NFU1: variants seen among roughly 807,000 people sequenced by gnomAD.
The protein encoded by NFU1 is NFU1 iron-sulfur cluster scaffold, also known as NFU1 iron-sulfur cluster scaffold homolog, mitochondrial.
NFU1 carries 30 observed loss-of-function variants against 32.2 expected under a neutral mutation model. The ratio of observed to expected loss-of-function variants is 0.93; its 90% confidence interval spans 0.70 to 1.26. The LOEUF is 1.26. Ranked by LOEUF, NFU1 falls within the 50% of genes most tolerant of loss-of-function variation. The pLI, the probability that NFU1 is intolerant of heterozygous loss-of-function variation, is 0.00. For synonymous variants in NFU1, 112 were observed against 104.6 expected, an observed-to-expected ratio of 1.07 and a Z score of -0.43; for missense variants, 306 against 306.6, an observed-to-expected ratio of 1.00 and a Z score of 0.02.
chr2:69,407,687 A>G (rs1056383251), intron 5 of NFU1, among the ~76,000 whole-genome samples: 16 of 150,680 alleles, frequency 1.1e-4, no homozygotes, highest in East Asian at 9.8e-4. Flanking sequence ...AAAAAAAAAA[A>G]AAAAGAAAAG....
upstream of NFU1, chr2:69,437,560 G>C: frequency 9.5e-7 from 1 of 1,056,372 alleles, no homozygotes; most frequent in South Asian, 1.4e-5. Flanking sequence ...GATAAGTGCG[G>C]TGGCCTACGC....
intron 1 of NFU1, among the ~76,000 whole-genome samples, chr2:69,436,464 C>T (rs916387867): frequency 1.3e-5 from 2 of 152,136 alleles, no homozygotes; most frequent in Non-Finnish European, 2.9e-5. Flanking sequence ...AGGGAAAAGG[C>T]AGCAGAATGA....
chr2:69,439,243 CTG>C (rs148064669), upstream of NFU1, among the ~76,000 whole-genome samples: 243 of 152,304 alleles, frequency 1.6e-3, no homozygotes, highest in Middle Eastern at 0.02. Context: ...CCCACAGCCT[CTG>C]TGCTACTGTG....
intron 7 of NFU1, among the ~76,000 whole-genome samples, chr2:69,397,102 T>G (rs1672365612): frequency 6.6e-6 from 1 of 152,000 alleles, no homozygotes; most frequent in South Asian, 2.1e-4. Flanking sequence ...TAACTGGTAT[T>G]CTCTAGCCAT....
At chr2:69,420,903 A>G (rs1254873581) in intron 3 of NFU1, among the ~76,000 whole-genome samples, 2 of 152,160 alleles carry the variant, frequency 1.3e-5, no homozygotes, top group Non-Finnish European at 2.9e-5. Flanking sequence ...AATGTAAAAC[A>G]CTTTTTACTG....
At chr2:69,415,747 C>T (rs570982608) in intron 4 of NFU1, among the ~76,000 whole-genome samples, 25 of 152,196 alleles carry the variant, frequency 1.6e-4, no homozygotes, top group African/African-American at 5.5e-4. Context: ...AGGTCGAAGC[C>T]TGACCTCGTG....
In NFU1 at chr2:69,396,221, A is replaced by G; in HGVS notation, c.*25T>C. On this transcript the variant is annotated 3_prime_UTR_variant, in exon 8 of 8. Transcript: ENST00000410022. ...TATATTATCAACAAGTCTGACTGTT[A>G]TGCCCAAAGAAAATCCAGATTATTT... 1 of 1,592,338 alleles carries G rather than the reference A, an allele frequency of 6.3e-7. No individual in the cohort carries two copies. Among genetic ancestry groups the G allele is most frequent in the South Asian group, 1.1e-5 (1 of 90,424 alleles).
chr2:69,436,266 G>T (rs1459195874), intron 1 of NFU1, among the ~76,000 whole-genome samples: 1 of 152,110 alleles, frequency 6.6e-6, no homozygotes, highest in East Asian at 1.9e-4. Flanking sequence ...CCAGTGCCAG[G>T]CCATGCAGTA....
chr2:69,420,934 C>T (rs898825161), intron 3 of NFU1, among the ~76,000 whole-genome samples: 16 of 151,954 alleles, frequency 1.1e-4, no homozygotes, highest in Admixed American at 5.9e-4. Context: ...CAAAAAAGTA[C>T]GAAAAACAGC....
chr2:69,430,510 A>T (rs1188731116), intron 2 of NFU1, among the ~76,000 whole-genome samples: 1 of 152,020 alleles, frequency 6.6e-6, no homozygotes, highest in Non-Finnish European at 1.5e-5. Flanking sequence ...CCACCATGCC[A>T]GCCTATTTTT....
chr2:69,434,568 T>C (rs1041837978), intron 1 of NFU1, among the ~76,000 whole-genome samples: 9 of 152,204 alleles, frequency 5.9e-5, no homozygotes, highest in African/African-American at 2.2e-4. Flanking sequence ...GAGACTTTAA[T>C]AGTAAAAATT....
intron 5 of NFU1, among the ~76,000 whole-genome samples, chr2:69,414,487 G>A (rs1672987319): frequency 6.6e-6 from 1 of 151,716 alleles, no homozygotes; most frequent in Admixed American, 6.6e-5. Context: ...GTGTGGTGGT[G>A]CACACCTGTA....
intron 1 of NFU1, among the ~76,000 whole-genome samples, chr2:69,434,409 T>C (rs920961871): frequency 6.6e-6 from 1 of 152,226 alleles, no homozygotes; most frequent in Non-Finnish European, 1.5e-5. Context: ...CCCAAAGTGC[T>C]GGGATTACAG....
chr2:69,424,198 A>AAAAAAAAAAATATAT (rs1558840147), intron 2 of NFU1, among the ~76,000 whole-genome samples: 1 of 74,544 alleles, frequency 1.3e-5, no homozygotes, highest in African/African-American at 5.3e-5. Flanking sequence ...AAAAAAAAAA[A>AAAAAAAAAAATATAT]ATATATATAT....
chr2:69,412,499 G>C (rs1672917725), intron 5 of NFU1, among the ~76,000 whole-genome samples: 1 of 151,410 alleles, frequency 6.6e-6, no homozygotes, highest in South Asian at 2.1e-4. Flanking sequence ...CAATTCTTCT[G>C]CCCCAGCCTC....
intron 2 of NFU1, among the ~76,000 whole-genome samples, chr2:69,424,211 A>C (rs1345739540): frequency 7.3e-6 from 1 of 136,606 alleles, no homozygotes; most frequent in Non-Finnish European, 1.5e-5. Context: ...ATATATATAT[A>C]TATATATATC....
At chr2:69,431,131 T>C (rs1047593309) in intron 2 of NFU1, among the ~76,000 whole-genome samples, 2 of 152,168 alleles carry the variant, frequency 1.3e-5, no homozygotes, top group Non-Finnish European at 2.9e-5. Context: ...TAGTAATTAA[T>C]TTTGACAAAA....
rs532400178 is a variant in NFU1, at chr2:69,427,124, G to A, written c.167-3407C>T. ...TTTCTGGCCAGGCGTGGTGGCTCAC[G>A]CCTATAATCCTAGCACTTTGGGAGG... is the stretch of plus-strand genomic sequence containing the variant. On this transcript the variant is annotated intron_variant, in intron 2 of 7. Transcript: ENST00000410022. 3.1e-4 allele frequency among the ~76,000 whole-genome samples: 46 copies of A among 150,562 alleles called. 1 individual carries two copies. Among genetic ancestry groups the A allele is most frequent in the African/African-American group, 6.1e-4 (25 of 40,862 alleles).
intron 3 of NFU1, 82 bp downstream of exon 3, chr2:69,423,500 T>C (rs1271801920): frequency 1.8e-5 from 22 of 1,255,606 alleles, no homozygotes; most frequent in Middle Eastern, 2.7e-4. Context: ...AGAAATGCAA[T>C]AGTTAAACAG....
Sources: gnomAD v4.1 joint callset for allele counts (sites outside exome capture counted in the v4.1 genomes callset) on GRCh38, gnomAD v4.1.1 for gene constraint, MANE v1.5 for transcripts, NCBI Gene and HGNC (gene_info 2026-07-23, HGNC 2026-07-21) for gene names.